PRKN: variants seen among roughly 807,000 people sequenced by gnomAD.
The protein encoded by PRKN is parkin RBR E3 ubiquitin protein ligase, also known as E3 ubiquitin-protein ligase parkin.
Under a neutral mutation model 59.5 loss-of-function variants are expected in PRKN, and 56 were observed. That is an observed-to-expected ratio of 0.94 (90% CI 0.76 to 1.18). The LOEUF is 1.18. PRKN is among the 50% of genes most tolerant of loss of function. PRKN has a pLI of 0.00. For missense variants in PRKN, 657 were observed against 596.4 expected (o/e 1.10, Z -1.06); for synonymous variants, 250 against 222.1 (o/e 1.13, Z -1.12).
intron 7 of PRKN, among the ~76,000 whole-genome samples, chr6:161,707,621 G>C (rs1396940256): frequency 6.6e-6 from 1 of 152,182 alleles, no homozygotes; most frequent in Non-Finnish European, 1.5e-5. Flanking sequence ...ATTCTTAGTA[G>C]TATCATTGAA....
chr6:162,658,059 T>C (rs1182438283), intron 1 of PRKN, among the ~76,000 whole-genome samples: 1 of 152,236 alleles, frequency 6.6e-6, no homozygotes, highest in Non-Finnish European at 1.5e-5. Context: ...CCAACTCTTG[T>C]GGCAAAATCA....
At chr6:162,453,610 T>C (rs1385294730) in intron 1 of PRKN, among the ~76,000 whole-genome samples, 1 of 152,034 alleles carries the variant, frequency 6.6e-6, no homozygotes, top group Non-Finnish European at 1.5e-5. Flanking sequence ...TAGGCAATAA[T>C]AATAGTATCT....
intron 4 of PRKN, among the ~76,000 whole-genome samples, chr6:162,200,516 T>C (rs1002937289): frequency 6.6e-6 from 1 of 152,158 alleles, no homozygotes; most frequent in Non-Finnish European, 1.5e-5. Context: ...GGTCACATAA[T>C]GTTATTCATC....
intron 2 of PRKN, among the ~76,000 whole-genome samples, chr6:162,301,062 CATG>C (rs1385403753): frequency 2.0e-5 from 3 of 151,854 alleles, no homozygotes; most frequent in Admixed American, 2.0e-4. Flanking sequence ...ACTTCTTATA[CATG>C]ATTTTTATAG....
chr6:162,130,405 C>T (rs563015883), intron 4 of PRKN, among the ~76,000 whole-genome samples: 25 of 152,198 alleles, frequency 1.6e-4, no homozygotes, highest in Admixed American at 8.5e-4. Context: ...CACACACACA[C>T]GGACACGTAA....
intron 2 of PRKN, among the ~76,000 whole-genome samples, chr6:162,375,321 T>A (rs537830422): frequency 1.3e-5 from 2 of 152,108 alleles, no homozygotes; most frequent in African/African-American, 4.8e-5. Context: ...GCTGGTATTT[T>A]TTCAAGCAAA....
At chr6:161,848,654 G>A (rs1167262062) in intron 6 of PRKN, among the ~76,000 whole-genome samples, 1 of 152,148 alleles carries the variant, frequency 6.6e-6, no homozygotes, top group Non-Finnish European at 1.5e-5. Flanking sequence ...TCTGAACTAG[G>A]CCCTGGTTAT....
chr6:161,491,431 G>C (rs979481274), intron 9 of PRKN, among the ~76,000 whole-genome samples: 1 of 152,194 alleles, frequency 6.6e-6, no homozygotes, highest in Non-Finnish European at 1.5e-5. Flanking sequence ...AGTCCAAAGG[G>C]AGAGGGAGTC....
intron 3 of PRKN, among the ~76,000 whole-genome samples, chr6:162,218,663 T>C (rs1405514984): frequency 6.6e-6 from 1 of 152,052 alleles, no homozygotes; most frequent in Non-Finnish European, 1.5e-5. Flanking sequence ...GGACACAAAA[T>C]AAGCATTCCA....
intron 9 of PRKN, among the ~76,000 whole-genome samples, chr6:161,490,294 T>C (rs1359959600): frequency 6.6e-6 from 1 of 150,512 alleles, no homozygotes; most frequent in African/African-American, 2.4e-5. Context: ...TACGTAAATC[T>C]CTCTACTTTT....
chr6:162,564,602 C>CAA (rs1779982020), intron 1 of PRKN, among the ~76,000 whole-genome samples: 1 of 151,972 alleles, frequency 6.6e-6, no homozygotes, highest in South Asian at 2.1e-4. Context: ...CTAAAGGCAG[C>CAA]AAAAGGAAAG....
At chr6:162,433,903 T>C (rs1005189844) in intron 2 of PRKN, among the ~76,000 whole-genome samples, 1 of 152,186 alleles carries the variant, frequency 6.6e-6, no homozygotes, top group Non-Finnish European at 1.5e-5. Flanking sequence ...ATCAGTGGGT[T>C]CTCGCATTCC....
chr6:162,204,518 T>C (rs9458482), intron 3 of PRKN, among the ~76,000 whole-genome samples: 3,936 of 152,272 alleles, frequency 0.026, 138 homozygotes, highest in African/African-American at 0.08. Context: ...GGGCTTGATT[T>C]ATAGAAAGTG....
chr6:161,383,105 T>C (rs1390096501), intron 10 of PRKN, among the ~76,000 whole-genome samples: 2 of 152,324 alleles, frequency 1.3e-5, no homozygotes, highest in African/African-American at 4.8e-5. Flanking sequence ...TGGGCTTTCA[T>C]TGTGAGATGT....
chr6:161,626,384 G>A (rs1440944870), intron 7 of PRKN, among the ~76,000 whole-genome samples: 1 of 152,196 alleles, frequency 6.6e-6, no homozygotes, highest in Non-Finnish European at 1.5e-5. Context: ...ACAGGGGCCA[G>A]TGACTGATGA....
At chr6:162,367,580 T>G (rs959505717) in intron 2 of PRKN, among the ~76,000 whole-genome samples, 2 of 152,130 alleles carry the variant, frequency 1.3e-5, no homozygotes, top group Non-Finnish European at 2.9e-5. Flanking sequence ...ACAGGATAGA[T>G]TCCTAAATGT....
chr6:161,446,890 C>G lies in PRKN; in HGVS notation c.1084-60013G>C, dbSNP rs1789515864. Among the ~76,000 whole-genome samples, 1 of 152,118 alleles carries G rather than the reference C, an allele frequency of 6.6e-6. No individual in the cohort carries two copies. Among genetic ancestry groups the G allele is most frequent in the South Asian group, 2.1e-4 (1 of 4,830 alleles). On this transcript the variant is annotated intron_variant, in intron 9 of 11. Coordinates refer to ENST00000366898, the MANE Select transcript of PRKN (RefSeq NM_004562.3). This position sits in a 1 kb window ranked among gnomAD's most constrained non-coding sequence, Gnocchi z 6.2. ...TACATAGAAAAGGACAACAGCCACT[C>G]CCTCAACCAAATATCCCTACATTCA...
Position 161,370,409 on chromosome 6 carries a change from T to A in PRKN, c.1168-10204A>T, listed in dbSNP as rs1304046289. Among the ~76,000 whole-genome samples, 5 of 136,106 alleles carry A rather than the reference T, an allele frequency of 3.7e-5. No individual in the cohort carries two copies. The South Asian group carries it at 7.0e-4, about 19-fold the overall frequency. 89.3% of individuals were successfully genotyped at this position (136,106 alleles called of 152,430 possible). A position where few individuals can be genotyped will look rare whatever the true frequency, so the allele number is the denominator to read the frequency against. On this transcript the variant is annotated intron_variant, in intron 10 of 11. Transcript: ENST00000366898. Reference sequence around the variant, plus strand: ...TCCTGGCTAACACGATGAAACCCCATCTCTACTCAAAATACAAAAAAAAAA... The same window carrying A: ...TCCTGGCTAACACGATGAAACCCCAACTCTACTCAAAATACAAAAAAAAAA...
rs1785531598 is a variant in PRKN at position 161,373,629 on chromosome 6, G to T, written c.1167+13165C>A. 6.7e-6 allele frequency among the ~76,000 whole-genome samples: 1 copy of T among 150,006 alleles called. No homozygotes were observed. Among genetic ancestry groups the T allele is most frequent in the Admixed American group, 6.6e-5 (1 of 15,100 alleles). ...ATGAGTTAAATGGCCATGCCTCTGT[G>T]CTTGCAGGGGTGATGAGTTAAATGG... On this transcript the variant is annotated intron_variant, in intron 10 of 11. Coordinates refer to ENST00000366898, the MANE Select transcript of PRKN (RefSeq NM_004562.3). This position sits in a 1 kb window ranked among gnomAD's most constrained non-coding sequence, Gnocchi z 4.8.
Sources: allele counts gnomAD v4.1 joint callset (sites outside exome capture counted in the v4.1 genomes callset), GRCh38; gene constraint gnomAD v4.1.1; non-coding constraint Gnocchi (gnomAD v3.1); transcripts MANE v1.5; gene names NCBI Gene and HGNC (gene_info 2026-07-23, HGNC 2026-07-21).